Variants in DOCK11 observed in about 807,000 individuals in gnomAD.
DOCK11 encodes dedicator of cytokinesis 11, also known as dedicator of cytokinesis protein 11.
A neutral mutation model predicts 169.1 loss-of-function variants in DOCK11; 70 were observed. The ratio of observed to expected loss-of-function variants is 0.41; its 90% CI spans 0.34 to 0.51. The LOEUF is 0.51. Ranked by LOEUF, DOCK11 falls within the 20% of genes least tolerant of loss-of-function variation. The pLI is 0.10. For missense variants in DOCK11, 1,166 were observed against 1,538.8 expected, an observed-to-expected ratio of 0.76 and a Z score of 4.05; for synonymous variants, 529 against 541.3, an observed-to-expected ratio of 0.98 and a Z score of 0.32.
rs182256372 is a variant in DOCK11 at position 118,520,202 on chromosome X, T to C, written c.103-22523T>C. On this transcript the variant is annotated intron_variant, in intron 1 of 52. Transcript: ENST00000276202. ...TATTAGGAAACCAATATGATATTGGTTTAAAGTTGATGGTTGGAGCCACTG... is the reference window on the plus strand; with the variant it reads ...TATTAGGAAACCAATATGATATTGGCTTAAAGTTGATGGTTGGAGCCACTG... Among the ~76,000 whole-genome samples, 26 of 111,716 alleles carry C rather than the reference T, an allele frequency of 2.3e-4. No homozygotes were observed. In the East Asian group the frequency reaches 3.4e-3, roughly 14 times the overall value.
At position 118,664,056 on chromosome X, in the gene DOCK11, G is replaced by A. The variant is rs373313051; in HGVS notation, c.5076+1264G>A. On this transcript the variant is annotated intron_variant, in intron 45 of 52. Coordinates refer to ENST00000276202, the MANE Select transcript of DOCK11 (RefSeq NM_144658.4). The stretch of plus-strand genomic sequence containing the variant: ...TTGGTGATGATGTGGGAGATGTATT[G>A]AAGATACAGGGATAGGAGCTAGAGG... 3.0e-4 allele frequency among the ~76,000 whole-genome samples: 33 copies of A among 111,013 alleles called. No homozygotes were observed. In the East Asian group the frequency reaches 3.4e-3, roughly 11 times the overall value.
chrX:118,678,714 C>G (rs183597592), intron 48 of DOCK11, among the ~76,000 whole-genome samples: 15 of 109,537 alleles, frequency 1.4e-4, no homozygotes, highest in African/African-American at 4.0e-4. Flanking sequence ...CTCAAGTGAT[C>G]CACCCACCTC....
rs979299572 is a variant in DOCK11, at chrX:118,538,583, C to A, written c.103-4142C>A. The A allele has an allele frequency of 1.3e-5, 6 of 451,478 alleles. No homozygotes were observed. The African/African-American group carries it at 1.3e-4, about 10-fold the overall frequency. The allele number at this position is 451,478 out of a possible 1,213,427, so 37.2% of individuals were successfully genotyped here. A position where few individuals can be genotyped will look rare whatever the true frequency, so the allele number is the denominator to read the frequency against. On this transcript the variant is annotated intron_variant, in intron 1 of 52. Coordinates refer to ENST00000276202, the MANE Select transcript of DOCK11 (RefSeq NM_144658.4). ...TTGACGGTTTTCCTGTCACTACTTA[C>A]GGGAAGAAGACTGAAACATATGCTC...
At chrX:118,657,936 C>CA (rs1276290221) in intron 44 of DOCK11, among the ~76,000 whole-genome samples, 1 of 110,888 alleles carries the variant, frequency 9.0e-6, no homozygotes, top group African/African-American at 3.3e-5. Flanking sequence ...ATCCATGTAA[C>CA]AAAAAATCAC....
intron 32 of DOCK11, 41 bp from the exon 33 acceptor site, chrX:118,627,463 C>T (rs749951014): frequency 6.1e-6 from 6 of 983,646 alleles, no homozygotes; most frequent in Admixed American, 4.7e-5. Flanking sequence ...ATCCTATATA[C>T]GAATTTGTTT....
chrX:118,675,595 G>T lies in DOCK11; in HGVS notation c.5200-341G>T, dbSNP rs1333129761. Among the ~76,000 whole-genome samples, 3 of 108,902 alleles carry T rather than the reference G, an allele frequency of 2.8e-5. No individual in the cohort carries two copies. In the East Asian group the frequency reaches 8.7e-4, roughly 32 times the overall value. 94.6% of individuals were successfully genotyped at this position (108,902 alleles called of 115,157 possible). ...CTTGTTGTGGGGTGGGGGGTGAGGG[G>T]AGGGAACTTAGAGGATGGGCCAATA... On this transcript the variant is annotated intron_variant, in intron 46 of 52. Coordinates refer to ENST00000276202, the MANE Select transcript of DOCK11 (RefSeq NM_144658.4).
At position 118,680,683 on chromosome X, in the gene DOCK11, A is replaced by G; in HGVS notation, c.5662A>G (p.Ile1888Val). The change falls in exon 49 of 53, where the codon ATC (isoleucine) becomes GTC (valine). Residue 1888 changes from isoleucine to valine, a missense_variant. Transcript: ENST00000276202. ...AGAAGAACAGTGCAAACGCCGTACA[A>G]TCTTGACAAGTAAGTACAATTTTAC... Reference protein sequence around the residue: ...CIEEQCKRRTILTTSNSFPYV... With the variant: ...CIEEQCKRRTVLTTSNSFPYV... 8.5e-7 allele frequency: 1 copy of G among 1,176,895 alleles called. No individual in the cohort carries two copies. Among genetic ancestry groups the G allele is most frequent in the Non-Finnish European group, 1.1e-6 (1 of 876,752 alleles).
At chrX:118,614,946 C>A (rs1307980170) in intron 29 of DOCK11, among the ~76,000 whole-genome samples, 171 bp downstream of exon 29, 2 of 111,704 alleles carry the variant, frequency 1.8e-5, no homozygotes, top group African/African-American at 6.5e-5. Flanking sequence ...TCCCCAGGAC[C>A]CCCCATGTGT....
At chrX:118,593,881 T>C (rs2147430912) in intron 20 of DOCK11, among the ~76,000 whole-genome samples, 1 of 112,507 alleles carries the variant, frequency 8.9e-6, no homozygotes, top group South Asian at 3.6e-4. Context: ...AATATCATTG[T>C]CCATATGCTT....
intron 45 of DOCK11, among the ~76,000 whole-genome samples, chrX:118,666,048 A>G (rs1325228671): frequency 9.0e-6 from 1 of 111,224 alleles, no homozygotes; most frequent in Non-Finnish European, 1.9e-5. Context: ...ACTTGAGGCC[A>G]GGAGTTCAAG....
intron 1 of DOCK11, among the ~76,000 whole-genome samples, chrX:118,507,673 C>G (rs150886175): frequency 0.024 from 2,645 of 111,598 alleles, 58 homozygotes; most frequent in African/African-American, 0.061. Context: ...GTGACAAGAC[C>G]TTGAGTTTTT....
At chrX:118,570,364 T>C (rs2013234727) in intron 10 of DOCK11, among the ~76,000 whole-genome samples, 1 of 112,213 alleles carries the variant, frequency 8.9e-6, no homozygotes, top group African/African-American at 3.2e-5. Flanking sequence ...TTCTACTGTC[T>C]GAGTAACACA....
chrX:118,595,238 C>T (rs1429110765), intron 20 of DOCK11, among the ~76,000 whole-genome samples: 2 of 111,288 alleles, frequency 1.8e-5, no homozygotes, highest in South Asian at 3.8e-4. Flanking sequence ...GCAGTAGCAG[C>T]GGGGGCAGAG....
chrX:118,600,261 G>T (rs992643464), intron 23 of DOCK11, among the ~76,000 whole-genome samples: 1 of 110,653 alleles, frequency 9.0e-6, no homozygotes, highest in African/African-American at 3.3e-5. Flanking sequence ...ACAAAAATCA[G>T]CCAGACGTGG....
At chrX:118,527,325 T>G (rs1459452773) in intron 1 of DOCK11, among the ~76,000 whole-genome samples, 1 of 112,491 alleles carries the variant, frequency 8.9e-6, no homozygotes, top group Non-Finnish European at 1.9e-5. Flanking sequence ...GGGCTTCACA[T>G]AGCCTGTTGA....
At chrX:118,510,880 G>C (rs925152086) in intron 1 of DOCK11, among the ~76,000 whole-genome samples, 4 of 111,715 alleles carry the variant, frequency 3.6e-5, no homozygotes, top group African/African-American at 9.8e-5. Flanking sequence ...AGTTCTTTCT[G>C]GCTTCATGAT....
chrX:118,681,884 C>T (rs1490312515), intron 51 of DOCK11, 90 bp downstream of exon 51: 22 of 651,490 alleles, frequency 3.4e-5, no homozygotes, highest in Non-Finnish European at 4.9e-5. Flanking sequence ...CCAAATAATA[C>T]CCTTCCAAAA....
rs373495465 is a variant in DOCK11, at chrX:118,630,450, C to G, written c.3846C>G (p.Leu1282=). The G allele has an allele frequency of 8.3e-7, 1 of 1,205,295 alleles. No homozygotes were observed. The highest frequency in any genetic ancestry group is 1.1e-6 in the Non-Finnish European group (1 of 891,359). ...TGGATCAGTATGAAATCAGAAGCCTCCTGATGTGCTACCTGTATATAGTAA... is the reference window on the plus strand; with the variant it reads ...TGGATCAGTATGAAATCAGAAGCCTGCTGATGTGCTACCTGTATATAGTAA... The part of the protein sequence containing the change: ...NRLDQYEIRS[L]LMCYLYIVKM... The change falls in exon 35 of 53, where the codon CTC becomes CTG. Residue 1282 remains leucine (L), a synonymous_variant. Transcript: ENST00000276202.
intron 6 of DOCK11, among the ~76,000 whole-genome samples, chrX:118,548,449 G>A (rs1009008153): frequency 8.9e-6 from 1 of 111,747 alleles, no homozygotes; most frequent in African/African-American, 3.3e-5. Flanking sequence ...CAGGAGGGAC[G>A]GTATCCACAA....
Sources: allele counts gnomAD v4.1 joint callset (sites outside exome capture counted in the v4.1 genomes callset), GRCh38; gene constraint gnomAD v4.1.1; transcripts MANE v1.5; gene names NCBI Gene and HGNC (gene_info 2026-07-23, HGNC 2026-07-21).